SLC9C1: variants seen among roughly 807,000 people sequenced by gnomAD.
SLC9C1 encodes solute carrier family 9 member C1, also known as sodium/hydrogen exchanger 10.
In SLC9C1, 97 loss-of-function variants were observed where a neutral mutation model predicts 140.9. That is an observed-to-expected ratio of 0.69 (90% CI 0.58 to 0.82). The LOEUF (loss-of-function observed/expected upper bound fraction) is 0.82, where lower values mean the gene tolerates loss of function less well. SLC9C1 is among the 40% of genes least tolerant of loss of function. The probability of loss-of-function intolerance (pLI) is 0.00; values close to 1 mark genes in which losing one functional copy is unlikely to be tolerated. For synonymous variants in SLC9C1, 440 were observed against 442.6 expected (o/e 0.99, Z 0.07); for missense variants, 1,340 against 1,389.3 (o/e 0.96, Z 0.56).
At chr3:112,254,976 A>C (rs1308283069) in intron 10 of SLC9C1, among the ~76,000 whole-genome samples, 1 of 152,208 alleles carries the variant, frequency 6.6e-6, no homozygotes, top group East Asian at 1.9e-4. Flanking sequence ...AAAGTTTTTA[A>C]AAACACAAAG....
chr3:112,214,038 C>A (rs6804353), intron 15 of SLC9C1, among the ~76,000 whole-genome samples: 69,097 of 151,964 alleles, frequency 0.45, 16,190 homozygotes, highest in East Asian at 0.63. Context: ...CAAATTAGAA[C>A]TCAGGATTAA....
chr3:112,250,790 T>C (rs1258121975), intron 10 of SLC9C1, among the ~76,000 whole-genome samples: 1 of 152,190 alleles, frequency 6.6e-6, no homozygotes, highest in Non-Finnish European at 1.5e-5. Flanking sequence ...TATATACTGC[T>C]GGTGGGAATG....
chr3:112,220,747 T>C (rs533042367), intron 14 of SLC9C1, among the ~76,000 whole-genome samples: 12 of 152,280 alleles, frequency 7.9e-5, no homozygotes, highest in African/African-American at 1.7e-4. Flanking sequence ...TACCTGTGTA[T>C]TGGGGAAGAT....
intron 11 of SLC9C1, among the ~76,000 whole-genome samples, chr3:112,242,574 A>T (rs9847574): frequency 2.0e-5 from 3 of 151,412 alleles, no homozygotes; most frequent in African/African-American, 7.3e-5. Context: ...TGGTTAATGC[A>T]TTCAAAAAAT....
intron 12 of SLC9C1, among the ~76,000 whole-genome samples, chr3:112,233,150 C>T (rs1161732283): frequency 6.6e-6 from 1 of 151,240 alleles, no homozygotes; most frequent in Non-Finnish European, 1.5e-5. Context: ...TTCACCACAG[C>T]CTCAACCTCC....
At chr3:112,224,608 AAT>A (rs59497778) in intron 13 of SLC9C1, among the ~76,000 whole-genome samples, 114,005 of 151,130 alleles carry the variant, frequency 0.75, 43,411 homozygotes, top group East Asian at 0.99. Context: ...ATTATAAAAA[AAT>A]AACTGAACAG....
rs201650549 is a variant in SLC9C1, at chr3:112,179,698, C to T, written c.2752G>A (p.Glu918Lys). 431 of 1,598,290 alleles carry T rather than the reference C, an allele frequency of 2.7e-4. 1 individual carries two copies. The highest frequency in any genetic ancestry group is 3.5e-4 in the Non-Finnish European group (407 of 1,175,456). The change falls in exon 23 of 29, where the codon GAA becomes AAA. Residue 918 changes from glutamate (E) to lysine (K), a missense_variant. Transcript: ENST00000305815. ...ATCCCTAAACCTGGCTTTGATTTTT[C>T]AAGCTGTTCAGGAACAAAGAAAGAG... is the stretch of plus-strand genomic sequence containing the variant. Reference protein sequence around the residue: ...YIIISGMVKLEKSKPGLGIDQ... With the variant: ...YIIISGMVKLKKSKPGLGIDQ...
rs569265443 is a variant in SLC9C1 at position 112,281,855 on chromosome 3, T to C, written c.89-1072A>G. 2.2e-3 allele frequency among the ~76,000 whole-genome samples: 334 copies of C among 152,310 alleles called. 4 individuals carry two copies. The highest frequency in any genetic ancestry group is 7.5e-3 in the African/African-American group (313 of 41,552). On this transcript the variant is annotated intron_variant, in intron 2 of 28. Coordinates refer to ENST00000305815, the MANE Select transcript of SLC9C1 (RefSeq NM_183061.3). ...CTTAATTGATGCTTTATGAAAAGTT[T>C]ATATATGTTTGGAGACAATGCTCCA...
intron 10 of SLC9C1, among the ~76,000 whole-genome samples, chr3:112,259,664 C>T (rs2108284460): frequency 6.6e-6 from 1 of 152,188 alleles, no homozygotes; most frequent in Non-Finnish European, 1.5e-5. Context: ...GAAAAAATAT[C>T]TATCGGGTAC....
intron 6 of SLC9C1, among the ~76,000 whole-genome samples, chr3:112,271,393 G>GTATATATA (rs57918598): frequency 5.7e-4 from 71 of 125,590 alleles, no homozygotes; most frequent in East Asian, 1.8e-3. Flanking sequence ...ATTCTACATT[G>GTATATATA]TATATATATA....
chr3:112,141,667 G>T (rs533643177), intron 28 of SLC9C1, among the ~76,000 whole-genome samples: 9 of 152,106 alleles, frequency 5.9e-5, no homozygotes, highest in Non-Finnish European at 1.2e-4. Flanking sequence ...TGAACGTAAA[G>T]GGTGTTAAGA....
chr3:112,185,965 G>A, intron 20 of SLC9C1: 6 of 1,560,352 alleles, frequency 3.8e-6, no homozygotes, highest in South Asian at 1.2e-5. Context: ...TGGGCGACCA[G>A]CTCTCTGCTG....
intron 20 of SLC9C1, among the ~76,000 whole-genome samples, chr3:112,188,068 C>T (rs1017182362): frequency 9.9e-5 from 15 of 152,030 alleles, no homozygotes; most frequent in Non-Finnish European, 1.5e-4. Context: ...CACAGCTATA[C>T]CACACTTGCA....
At chr3:112,177,929 T>C (rs964518212) in intron 23 of SLC9C1, among the ~76,000 whole-genome samples, 1 of 151,288 alleles carries the variant, frequency 6.6e-6, no homozygotes, top group Non-Finnish European at 1.5e-5. Flanking sequence ...GATAGAGATA[T>C]TTTAAATATA....
intron 10 of SLC9C1, among the ~76,000 whole-genome samples, chr3:112,250,108 T>C (rs1215841589): frequency 6.8e-6 from 1 of 146,266 alleles, no homozygotes; most frequent in Non-Finnish European, 1.5e-5. Context: ...TTCCCCTTCC[T>C]GTGTCCATGT....
At chr3:112,284,123 G>C (rs1438325957) in intron 2 of SLC9C1, among the ~76,000 whole-genome samples, 1 of 152,214 alleles carries the variant, frequency 6.6e-6, no homozygotes, top group Non-Finnish European at 1.5e-5. Flanking sequence ...TTTGAAAGTG[G>C]TGACAGCAAA....
intron 13 of SLC9C1, among the ~76,000 whole-genome samples, chr3:112,229,764 AC>A (rs1338387862): frequency 6.6e-6 from 1 of 152,114 alleles, no homozygotes; most frequent in Non-Finnish European, 1.5e-5. Context: ...CAAGTACATT[AC>A]TTAGATAGAG....
intron 20 of SLC9C1, among the ~76,000 whole-genome samples, chr3:112,196,745 T>G (rs1045167005): frequency 3.9e-5 from 6 of 152,142 alleles, no homozygotes; most frequent in Non-Finnish European, 7.4e-5. Context: ...CTTTTTAGAT[T>G]TTCTGTGTCT....
rs573415852 is a variant in SLC9C1, at chr3:112,265,983, G to A, written c.878+255C>T. Among the ~76,000 whole-genome samples, 3 of 152,164 alleles carry A rather than the reference G, an allele frequency of 2.0e-5. No homozygotes were observed. In the South Asian group the frequency reaches 6.2e-4, roughly 32 times the overall value. On this transcript the variant is annotated intron_variant, in intron 8 of 28. Transcript: ENST00000305815. ...AGATTTTATATGGGAAATTATTGAG[G>A]AGATAATCAGAGATTTGAGGAATGA...
Sources: gnomAD v4.1 joint callset for allele counts (sites outside exome capture counted in the v4.1 genomes callset) on GRCh38, gnomAD v4.1.1 for gene constraint, MANE v1.5 for transcripts, NCBI Gene and HGNC (gene_info 2026-07-23, HGNC 2026-07-21) for gene names.